Variants in PRKACB observed in about 807,000 individuals in gnomAD.
The protein encoded by PRKACB is protein kinase cAMP-activated catalytic subunit beta.
In PRKACB, 16 loss-of-function variants were observed where a neutral mutation model predicts 51.4. The ratio of observed to expected loss-of-function variants is 0.31; its 90% CI spans 0.21 to 0.47. PRKACB has a LOEUF of 0.47. Ranked by LOEUF, PRKACB falls within the 20% of genes least tolerant of loss-of-function variation. The probability of loss-of-function intolerance (pLI) is 1.00; values close to 1 mark genes in which losing one functional copy is unlikely to be tolerated. For synonymous variants in PRKACB, 147 were observed against 154.4 expected (o/e 0.95, Z 0.35); for missense variants, 309 against 464.5 (o/e 0.67, Z 3.08).
At chr1:84,079,516 A>G (rs1338682742) in intron 1 of PRKACB, among the ~76,000 whole-genome samples, 3 of 152,200 alleles carry the variant, frequency 2.0e-5, no homozygotes, top group Non-Finnish European at 4.4e-5. Flanking sequence ...TAAATATATC[A>G]GATTATGTGG....
intron 1 of PRKACB, among the ~76,000 whole-genome samples, chr1:84,110,932 T>C (rs1650180636): frequency 6.6e-6 from 1 of 152,016 alleles, no homozygotes; most frequent in Non-Finnish European, 1.5e-5. Flanking sequence ...CTTCTACCTC[T>C]CCTTGTTGAC....
At chr1:84,162,497 C>T (rs184412787) in intron 1 of PRKACB, among the ~76,000 whole-genome samples, 12 of 151,988 alleles carry the variant, frequency 7.9e-5, no homozygotes, top group East Asian at 5.8e-4. Flanking sequence ...TGTGTTCTTC[C>T]GACTGGATGA....
chr1:84,174,157 C>T (rs1009080987), intron 1 of PRKACB, among the ~76,000 whole-genome samples: 3 of 151,828 alleles, frequency 2.0e-5, no homozygotes, highest in African/African-American at 7.2e-5. Context: ...TGCCTGTGCA[C>T]TTCATCTCCC....
rs776164595 is a variant in PRKACB, at chr1:84,214,179, A to G, written c.933A>G (p.Ser311=). The G allele has an allele frequency of 9.9e-6, 16 of 1,612,690 alleles. No homozygotes were observed. The highest frequency in any genetic ancestry group is 3.3e-5 in the Admixed American group (2 of 59,724). Residue 311 remains serine (S), a synonymous_variant, in exon 9 of 10, where the codon TCA becomes TCG. Transcript: ENST00000370685. Reference sequence around the variant, plus strand: ...TCCGATTCCCATCCCACTTCAGTTCAGATCTCAAGGACCTTCTACGGAACC... The same window carrying G: ...TCCGATTCCCATCCCACTTCAGTTCGGATCTCAAGGACCTTCTACGGAACC... The part of the protein sequence containing the change: ...GKVRFPSHFS[S]DLKDLLRNLL...
chr1:84,226,090 A>G (rs1674545392), intron 9 of PRKACB, among the ~76,000 whole-genome samples: 1 of 152,046 alleles, frequency 6.6e-6, no homozygotes, highest in Non-Finnish European at 1.5e-5. Flanking sequence ...AAAATATTTT[A>G]ATATTAGATG....
intron 8 of PRKACB, among the ~76,000 whole-genome samples, chr1:84,206,327 G>T (rs546873930): frequency 6.6e-6 from 1 of 152,062 alleles, no homozygotes; most frequent in Admixed American, 6.6e-5. Context: ...TTACATGAAG[G>T]GTAATTGATT....
chr1:84,101,412 AACG>A (rs1649339737), intron 1 of PRKACB, among the ~76,000 whole-genome samples: 1 of 152,202 alleles, frequency 6.6e-6, no homozygotes, highest in Non-Finnish European at 1.5e-5. Flanking sequence ...TTGAATAACT[AACG>A]ACTATACCCT....
In PRKACB at chr1:84,146,701, CA is replaced by C. The variant is rs573237345; in HGVS notation, c.187+2161del. ...TAAGCATAGAAACTACATCAATTTA[CA>C]AAAAAAATTCATAAACCTTTGTATA... is the stretch of plus-strand genomic sequence containing the variant. On this transcript the variant is annotated intron_variant, in intron 1 of 9. Coordinates refer to ENST00000370685, the MANE Select transcript of PRKACB (RefSeq NM_182948.4). Among the ~76,000 whole-genome samples the C allele has an allele frequency of 4.0e-5, 6 of 151,642 alleles. No individual in the cohort carries two copies. The South Asian group carries it at 1.0e-3, about 26-fold the overall frequency.
intron 9 of PRKACB, among the ~76,000 whole-genome samples, chr1:84,228,534 T>A (rs966696443): frequency 1.3e-5 from 2 of 152,190 alleles, no homozygotes; most frequent in Non-Finnish European, 2.9e-5. Context: ...TTTTTAGCTT[T>A]TAAAATCTTT....
intron 2 of PRKACB, among the ~76,000 whole-genome samples, chr1:84,180,733 A>C (rs1013100045): frequency 7.2e-5 from 11 of 152,092 alleles, no homozygotes; most frequent in African/African-American, 2.7e-4. Context: ...ATGACCTATA[A>C]GTTAAAACAT....
chr1:84,155,837 C>T (rs939862089), intron 1 of PRKACB, among the ~76,000 whole-genome samples: 3 of 152,082 alleles, frequency 2.0e-5, no homozygotes, highest in Middle Eastern at 3.2e-3. Flanking sequence ...GTTTAATCAC[C>T]GGCACACTTA....
At chr1:84,175,102 T>G in intron 1 of PRKACB, 1 of 1,379,392 alleles carries the variant, frequency 7.2e-7, no homozygotes, top group East Asian at 2.9e-5. Context: ...TTTAAAATTT[T>G]TTATTTATTG....
intron 1 of PRKACB, among the ~76,000 whole-genome samples, chr1:84,173,767 T>A (rs368830140): frequency 6.6e-6 from 1 of 151,862 alleles, no homozygotes; most frequent in African/African-American, 2.4e-5. Flanking sequence ...ATGAAACTAA[T>A]GACAAAGTAG....
chr1:84,195,741 C>T (rs576343240), intron 5 of PRKACB, among the ~76,000 whole-genome samples: 13 of 151,878 alleles, frequency 8.6e-5, no homozygotes, highest in Admixed American at 3.9e-4. Flanking sequence ...GGTGAAACCC[C>T]GTCTCTACTG....
At chr1:84,192,890 C>T (rs183316274) in intron 5 of PRKACB, among the ~76,000 whole-genome samples, 19 of 152,200 alleles carry the variant, frequency 1.2e-4, no homozygotes, top group East Asian at 1.2e-3. Context: ...TTAGGTGATT[C>T]GGTTTAATGC....
chr1:84,237,694 A>T lies in PRKACB; in HGVS notation c.*2389A>T, dbSNP rs1380894006. 1.3e-5 allele frequency: 2 copies of T among 152,226 alleles called. No homozygotes were observed. Among genetic ancestry groups the T allele is most frequent in the Non-Finnish European group, 2.9e-5 (2 of 68,006 alleles). 9.4% of individuals were successfully genotyped at this position (152,226 alleles called of 1,614,324 possible). A position where few individuals can be genotyped will look rare whatever the true frequency, so the allele number is the denominator to read the frequency against. On this transcript the variant is annotated 3_prime_UTR_variant, in exon 10 of 10. Coordinates refer to ENST00000370685, the MANE Select transcript of PRKACB (RefSeq NM_182948.4). ...AGCCAAGAATAAGATAAAAACTTGA[A>T]TAAGAAGTAAGTAGCATAAATCAGT...
Position 84,182,253 on chromosome 1 carries a change from A to G in PRKACB, c.303A>G (p.Ser101=). 1 of 1,602,008 alleles carries G rather than the reference A, an allele frequency of 6.2e-7. No homozygotes were observed. The highest frequency in any genetic ancestry group is 8.5e-7 in the Non-Finnish European group (1 of 1,172,646). The change falls in exon 3 of 10, where the codon TCA becomes TCG. Residue 101 remains serine, a synonymous_variant. Coordinates refer to ENST00000370685, the MANE Select transcript of PRKACB (RefSeq NM_182948.4). ...GGAAAAAAACCCTTGGAACAGGTTCATTTGGAAGAGTCATGTTGGTAAAAC... is the reference window on the plus strand; with the variant it reads ...GGAAAAAAACCCTTGGAACAGGTTCGTTTGGAAGAGTCATGTTGGTAAAAC... ...FERKKTLGTG[S]FGRVMLVKHK...
chr1:84,213,454 C>T (rs1352487480), intron 8 of PRKACB, among the ~76,000 whole-genome samples: 2 of 152,072 alleles, frequency 1.3e-5, no homozygotes, highest in Non-Finnish European at 2.9e-5. Flanking sequence ...TTAACCTTAT[C>T]GATTGCCAAA....
chr1:84,157,666 CT>C (rs1419984411), intron 1 of PRKACB, among the ~76,000 whole-genome samples: 3 of 152,002 alleles, frequency 2.0e-5, no homozygotes, highest in African/African-American at 7.2e-5. Flanking sequence ...TTATCTTTTA[CT>C]TTTGGCTTCT....
Sources: gnomAD v4.1 joint callset for allele counts (sites outside exome capture counted in the v4.1 genomes callset) on GRCh38, gnomAD v4.1.1 for gene constraint, MANE v1.5 for transcripts, NCBI Gene and HGNC (gene_info 2026-07-23, HGNC 2026-07-21) for gene names.